SLC39A11: variants seen among roughly 807,000 people sequenced by gnomAD.
SLC39A11 encodes zinc transporter ZIP11.
SLC39A11 carries 33 observed loss-of-function variants against 36.1 expected under a neutral mutation model. The observed-to-expected ratio is 0.91, with a 90% CI of 0.69 to 1.22. The LOEUF (loss-of-function observed/expected upper bound fraction) is 1.22. SLC39A11 is among the 50% of genes most tolerant of loss of function. The probability of loss-of-function intolerance (pLI) is 0.00; values close to 1 mark genes in which losing one functional copy is unlikely to be tolerated. For missense variants in SLC39A11, 432 were observed against 430.3 expected (o/e 1.00, Z -0.03); for synonymous variants, 166 against 170.3 (o/e 0.97, Z 0.20).
chr17:72,942,340 T>C (rs1405790063), intron 5 of SLC39A11, among the ~76,000 whole-genome samples: 2 of 151,874 alleles, frequency 1.3e-5, no homozygotes, highest in African/African-American at 4.8e-5. Context: ...GGGAAAAAAA[T>C]AAATAAATAA....
chr17:73,058,722 C>T (rs59306055), intron 3 of SLC39A11, among the ~76,000 whole-genome samples: 1,805 of 151,388 alleles, frequency 0.012, 40 homozygotes, highest in African/African-American at 0.042. Flanking sequence ...AACTCTGTCT[C>T]AAAAAAATAA....
intron 7 of SLC39A11, among the ~76,000 whole-genome samples, chr17:72,706,576 A>G (rs1383078357): frequency 6.6e-6 from 1 of 152,224 alleles, no homozygotes; most frequent in Non-Finnish European, 1.5e-5. Context: ...CCTGTTGGTA[A>G]ACAGACCCAA....
intron 3 of SLC39A11, among the ~76,000 whole-genome samples, chr17:73,061,203 T>G (rs562876132): frequency 6.6e-6 from 1 of 151,872 alleles, no homozygotes; most frequent in African/African-American, 2.4e-5. Flanking sequence ...CTACTGAAAA[T>G]ACAAAAATTA....
chr17:72,723,972 T>C (rs1232989525), intron 7 of SLC39A11, among the ~76,000 whole-genome samples: 1 of 152,190 alleles, frequency 6.6e-6, no homozygotes, highest in Non-Finnish European at 1.5e-5. Flanking sequence ...GAGGACAAAG[T>C]CTCCAAGGAG....
intron 5 of SLC39A11, among the ~76,000 whole-genome samples, chr17:72,851,571 C>A (rs181386720): frequency 8.5e-4 from 129 of 152,300 alleles, no homozygotes; most frequent in African/African-American, 3.0e-3. Context: ...TGAACTACAA[C>A]CTAACTTAGT....
rs1028803611 is a variant in SLC39A11, at chr17:72,822,306, G to A, written c.601+27328C>T. Among the ~76,000 whole-genome samples the A allele has an allele frequency of 1.4e-5, 2 of 146,866 alleles. 1 individual carries two copies. Among genetic ancestry groups the A allele is most frequent in the African/African-American group, 4.9e-5 (2 of 40,486 alleles). The stretch of plus-strand genomic sequence containing the variant: ...AGAGATTATATATATAATATATATA[G>A]AGAGATATAATATATATATAGAGAG... On this transcript the variant is annotated intron_variant, in intron 6 of 9. Transcript: ENST00000255559.
intron 4 of SLC39A11, among the ~76,000 whole-genome samples, chr17:73,010,176 T>C (rs935147065): frequency 1.3e-5 from 2 of 152,094 alleles, no homozygotes; most frequent in Non-Finnish European, 2.9e-5. Flanking sequence ...CCCCAAGAGC[T>C]TCTGAGGCAC....
At chr17:72,993,269 T>A (rs1019502121) in intron 4 of SLC39A11, among the ~76,000 whole-genome samples, 1 of 152,234 alleles carries the variant, frequency 6.6e-6, no homozygotes, top group African/African-American at 2.4e-5. Flanking sequence ...TGTACACATT[T>A]GTCAAAACAC....
intron 7 of SLC39A11, among the ~76,000 whole-genome samples, chr17:72,733,003 C>T (rs2074291428): frequency 6.6e-6 from 1 of 152,184 alleles, no homozygotes; most frequent in Non-Finnish European, 1.5e-5. Flanking sequence ...GTTCCTGGAC[C>T]AGTGGGTGGA....
intron 5 of SLC39A11, among the ~76,000 whole-genome samples, chr17:72,937,206 C>T (rs1480774974): frequency 1.3e-5 from 2 of 152,248 alleles, no homozygotes; most frequent in East Asian, 3.9e-4. Context: ...TTTGGGAGGC[C>T]GAGGCGGGTG....
At chr17:73,077,825 A>G (rs2060374675) in intron 3 of SLC39A11, among the ~76,000 whole-genome samples, 1 of 151,954 alleles carries the variant, frequency 6.6e-6, no homozygotes, top group Admixed American at 6.6e-5. Flanking sequence ...CATGCTCCCA[A>G]ATTCATTCTT....
chr17:72,888,953 G>A (rs1207254396), intron 5 of SLC39A11, among the ~76,000 whole-genome samples: 1 of 152,094 alleles, frequency 6.6e-6, no homozygotes, highest in African/African-American at 2.4e-5. Flanking sequence ...GGAGTAACTA[G>A]ATACAGTTGC....
At chr17:72,902,563 C>T (rs79395383) in intron 5 of SLC39A11, among the ~76,000 whole-genome samples, 2,296 of 152,332 alleles carry the variant, frequency 0.015, 77 homozygotes, top group African/African-American at 0.048. Flanking sequence ...CAGCAAACTA[C>T]TCCATAGGAA....
intron 1 of SLC39A11, among the ~76,000 whole-genome samples, chr17:73,090,712 A>T (rs778320221): frequency 6.6e-6 from 1 of 152,212 alleles, no homozygotes; most frequent in Non-Finnish European, 1.5e-5. Context: ...GCCAAAGTCA[A>T]TGTGGATCTT....
At position 72,923,313 on chromosome 17, in the gene SLC39A11, T is replaced by G. The variant is rs796201694; in HGVS notation, c.430+24439A>C. ...AGCTCACTACATCCAAGCAGGAGTT[T>G]TAAGGAGTATCATAAACAGGTATGG... On this transcript the variant is annotated intron_variant, in intron 5 of 9. Coordinates refer to ENST00000255559, the MANE Select transcript of SLC39A11 (RefSeq NM_139177.4). Among the ~76,000 whole-genome samples, 18 of 152,102 alleles carry G rather than the reference T, an allele frequency of 1.2e-4. No individual in the cohort carries two copies. In the East Asian group the frequency reaches 1.9e-3, roughly 16 times the overall value.
chr17:72,938,510 T>C (rs1598489798), intron 5 of SLC39A11, among the ~76,000 whole-genome samples: 1 of 152,132 alleles, frequency 6.6e-6, no homozygotes, highest in Non-Finnish European at 1.5e-5. Context: ...AGTGAATAAA[T>C]GCAAAGGACT....
chr17:72,939,317 TG>T (rs1192147864), intron 5 of SLC39A11, among the ~76,000 whole-genome samples: 1 of 151,976 alleles, frequency 6.6e-6, no homozygotes, highest in Non-Finnish European at 1.5e-5. Flanking sequence ...AAAAATTAGC[TG>T]GGGGTAGTGG....
At chr17:73,050,720 C>G (rs2059468751) in intron 3 of SLC39A11, among the ~76,000 whole-genome samples, 1 of 152,178 alleles carries the variant, frequency 6.6e-6, no homozygotes, top group South Asian at 2.1e-4. Context: ...CCATCTCGGC[C>G]TCCCAAAGTG....
intron 7 of SLC39A11, among the ~76,000 whole-genome samples, chr17:72,701,719 TTC>T (rs940516542): frequency 4.1e-5 from 4 of 96,648 alleles, no homozygotes; most frequent in African/African-American, 1.6e-4. Context: ...CAGAGGGAGA[TTC>T]TGTCTCAAAA....
Sources: gnomAD v4.1 joint callset for allele counts (sites outside exome capture counted in the v4.1 genomes callset) on GRCh38, gnomAD v4.1.1 for gene constraint, MANE v1.5 for transcripts, NCBI Gene and HGNC (gene_info 2026-07-23, HGNC 2026-07-21) for gene names.